The following ATM variants were observed in gnomAD, a reference collection of about 807,000 sequenced individuals.
ATM encodes the protein ATM serine/threonine kinase, also known as serine-protein kinase ATM.
ATM carries 308 observed loss-of-function variants against 387.0 expected under a neutral mutation model. That is an observed-to-expected ratio of 0.80 (90% CI 0.73 to 0.87). The LOEUF (loss-of-function observed/expected upper bound fraction) is 0.87. ATM is among the 40% of genes least tolerant of loss of function. The pLI is 0.00. For synonymous variants in ATM, 1,156 were observed against 1,187.3 expected (o/e 0.97, Z 0.54); for missense variants, 3,312 against 3,560.9 (o/e 0.93, Z 1.78).
chr11:108,244,724 C>G, intron 6 of ATM, 64 bp from the exon 7 acceptor site: 1 of 1,250,648 alleles, frequency 8.0e-7, no homozygotes, highest in Non-Finnish European at 1.2e-6. Context: ...CACTTCATAA[C>G]TGTTCAGTTT....
chr11:108,260,767 A>G (rs2080819223), intron 16 of ATM, among the ~76,000 whole-genome samples: 1 of 152,146 alleles, frequency 6.6e-6, no homozygotes, highest in Non-Finnish European at 1.5e-5. Context: ...CAGTGGGCGC[A>G]GGTCAGTGGG....
intron 22 of ATM, among the ~76,000 whole-genome samples, chr11:108,276,354 A>G (rs57627058): frequency 0.013 from 1,954 of 152,204 alleles, 51 homozygotes; most frequent in African/African-American, 0.044. Context: ...TCCGAAGCCT[A>G]CTTCTGTCAA....
chr11:108,235,628 G>A (rs1368417441), intron 4 of ATM, 42 bp from the exon 5 acceptor site: 1 of 1,513,392 alleles, frequency 6.6e-7, no homozygotes, highest in South Asian at 1.1e-5. Context: ...TCTTATTTTT[G>A]TTCAAATTTA....
Position 108,335,028 on chromosome 11 carries a change from T to A in ATM, c.8070T>A (p.Phe2690Leu). Reference sequence around the variant, plus strand: ...CTATACAGTCATTTAAAGCAGAATTTCGCTTAGCAGGAGGTGTAAATTTAC... The same window carrying A: ...CTATACAGTCATTTAAAGCAGAATTACGCTTAGCAGGAGGTGTAAATTTAC... ...LVTIQSFKAE[F>L]RLAGGVNLPK... Residue 2690 changes from phenylalanine to leucine, a missense_variant, in exon 55 of 63, where the codon TTT (phenylalanine) becomes TTA (leucine). Coordinates refer to ENST00000675843, the MANE Select transcript of ATM (RefSeq NM_000051.4). 1 of 1,614,008 alleles carries A rather than the reference T, an allele frequency of 6.2e-7. No homozygotes were observed. Among genetic ancestry groups the A allele is most frequent in the Non-Finnish European group, 8.5e-7 (1 of 1,179,890 alleles).
In ATM at chr11:108,279,575, A is replaced by G. The variant is rs587780543; in HGVS notation, c.3369A>G (p.Ala1123=). Reference sequence around the variant, plus strand: ...TTCAGCAAACAGCTTTTGAAAATGCATACTTGAAAGCTCAGGAAGGAATGA... The same window carrying G: ...TTCAGCAAACAGCTTTTGAAAATGCGTACTTGAAAGCTCAGGAAGGAATGA... ...LKLQQTAFEN[A]YLKAQEGMRE... Residue 1123 remains alanine (A), a synonymous_variant, in exon 23 of 63, where the codon GCA becomes GCG. Coordinates refer to ENST00000675843, the MANE Select transcript of ATM (RefSeq NM_000051.4). 17 of 1,613,258 alleles carry G rather than the reference A, an allele frequency of 1.1e-5. No individual in the cohort carries two copies. Among genetic ancestry groups the G allele is most frequent in the Non-Finnish European group, 1.4e-5 (17 of 1,179,400 alleles).
At chr11:108,285,098 T>A (rs1273105026) in intron 26 of ATM, among the ~76,000 whole-genome samples, 1 of 152,162 alleles carries the variant, frequency 6.6e-6, no homozygotes, top group Non-Finnish European at 1.5e-5. Flanking sequence ...TAGCTGGGAC[T>A]ACAGCTGCGC....
At chr11:108,294,401 A>G (rs567827796) in intron 31 of ATM, among the ~76,000 whole-genome samples, 1 of 152,318 alleles carries the variant, frequency 6.6e-6, no homozygotes, top group Non-Finnish European at 1.5e-5. Context: ...TGAGTATGCT[A>G]TAACAATCTT....
chr11:108,273,371 CGCT>C (rs760074708), intron 22 of ATM, among the ~76,000 whole-genome samples: 93 of 96,434 alleles, frequency 9.6e-4, no homozygotes, highest in Non-Finnish European at 3.8e-4. Context: ...GATGGAGTTT[CGCT>C]CATGTCTCCC....
chr11:108,282,590 G>T, intron 24 of ATM, 120 bp from the exon 25 acceptor site: 1 of 926,506 alleles, frequency 1.1e-6, no homozygotes. Context: ...CATAGATGAG[G>T]AAATCAAGAA....
intron 60 of ATM, 98 bp from the exon 61 acceptor site, chr11:108,354,713 A>G: frequency 9.3e-7 from 1 of 1,078,932 alleles, no homozygotes; most frequent in Non-Finnish European, 1.4e-6. Context: ...ATTATTAAGC[A>G]TAGGCTCAGC....
chr11:108,257,086 T>A (rs2080541506), intron 14 of ATM, among the ~76,000 whole-genome samples: 1 of 152,200 alleles, frequency 6.6e-6, no homozygotes, highest in South Asian at 2.1e-4. Flanking sequence ...CCTTGAGGAA[T>A]TGCCACACTG....
chr11:108,338,744 C>T (rs1468302502), intron 56 of ATM, among the ~76,000 whole-genome samples: 1 of 152,040 alleles, frequency 6.6e-6, no homozygotes, highest in East Asian at 1.9e-4. Flanking sequence ...CCTGTAAACA[C>T]AACAGTTTAG....
intron 16 of ATM, among the ~76,000 whole-genome samples, chr11:108,262,799 C>T: frequency 1.4e-5 from 2 of 147,100 alleles, no homozygotes; most frequent in Non-Finnish European, 3.0e-5. Flanking sequence ...ATCTACCAAG[C>T]AAATGGAAAA....
In ATM at chr11:108,235,854, G is replaced by T. The variant is rs751245102; in HGVS notation, c.496+20G>T. The T allele has an allele frequency of 6.2e-7, 1 of 1,613,462 alleles. No homozygotes were observed. The highest frequency in any genetic ancestry group is 8.5e-7 in the Non-Finnish European group (1 of 1,179,640). On this transcript the variant is annotated intron_variant, in intron 5 of 62. Coordinates refer to ENST00000675843, the MANE Select transcript of ATM (RefSeq NM_000051.4). ...GGTTAGGTATGTTTTGAAGGTTGTTGTTTGTGAATTTTTCCTCATGAAATG... is the reference window on the plus strand; with the variant it reads ...GGTTAGGTATGTTTTGAAGGTTGTTTTTTGTGAATTTTTCCTCATGAAATG...
intron 37 of ATM, 36 bp downstream of exon 37, chr11:108,304,888 C>G (rs1038573531): frequency 3.1e-6 from 5 of 1,598,974 alleles, no homozygotes; most frequent in African/African-American, 1.3e-5. Flanking sequence ...ATACTGTAAA[C>G]TCAGTTCTAG....
At chr11:108,302,336 A>G (rs1465716902) in intron 35 of ATM, among the ~76,000 whole-genome samples, 1 of 152,156 alleles carries the variant, frequency 6.6e-6, no homozygotes, top group Non-Finnish European at 1.5e-5. Context: ...TGACTGAGAA[A>G]TACACAGTTT....
chr11:108,289,906 G>A (rs1038237270), intron 29 of ATM, 105 bp downstream of exon 29: 13 of 1,142,248 alleles, frequency 1.1e-5, no homozygotes, highest in South Asian at 4.2e-5. Context: ...CACTCTGTCC[G>A]CCCAGGCTGG....
At chr11:108,323,817 C>T (rs1325138588) in intron 45 of ATM, among the ~76,000 whole-genome samples, 1 of 152,120 alleles carries the variant, frequency 6.6e-6, no homozygotes, top group African/African-American at 2.4e-5. Context: ...TGCTTATGCT[C>T]TCAGATTACA....
At position 108,310,191 on chromosome 11, in the gene ATM, T is replaced by C. The variant is rs2084025775; in HGVS notation, c.5794T>C (p.Phe1932Leu). ...PSSGTIFNDA[F>L]WLDLNYLEVA... ...TTCAGGAACAATTTTTAATGATGCT[T>C]TCTGGCTGGATTTAAATTATCTAGA... is the stretch of plus-strand genomic sequence containing the variant. Residue 1932 changes from phenylalanine to leucine, a missense_variant, in exon 39 of 63, where the codon TTC becomes CTC. Coordinates refer to ENST00000675843, the MANE Select transcript of ATM (RefSeq NM_000051.4). 6.2e-7 allele frequency: 1 copy of C among 1,613,630 alleles called. No individual in the cohort carries two copies. Among genetic ancestry groups the C allele is most frequent in the Non-Finnish European group, 8.5e-7 (1 of 1,179,728 alleles).
Sources: gnomAD v4.1 joint callset for allele counts (sites outside exome capture counted in the v4.1 genomes callset) on GRCh38, gnomAD v4.1.1 for gene constraint, MANE v1.5 for transcripts, NCBI Gene and HGNC (gene_info 2026-07-23, HGNC 2026-07-21) for gene names.